STXBP2: variants seen among roughly 807,000 people sequenced by gnomAD.
STXBP2 encodes the protein syntaxin-binding protein 2.
In STXBP2, 47 loss-of-function variants were observed where a neutral mutation model predicts 72.2. The observed-to-expected ratio is 0.65, with a 90% confidence interval of 0.51 to 0.83. STXBP2 has a LOEUF of 0.83. STXBP2 is among the 40% of genes least tolerant of loss of function. STXBP2 has a pLI of 0.00. For synonymous variants in STXBP2, 367 were observed against 338.7 expected, an observed-to-expected ratio of 1.08 and a Z score of -0.92; for missense variants, 702 against 807.6, an observed-to-expected ratio of 0.87 and a Z score of 1.58.
Position 7,642,691 on chromosome 19 carries a change from C to G in STXBP2, c.903-75C>G. 12 of 1,505,356 alleles carry G rather than the reference C, an allele frequency of 8.0e-6. No individual in the cohort carries two copies. Among genetic ancestry groups the G allele is most frequent in the Non-Finnish European group, 1.1e-5 (12 of 1,086,626 alleles). 93.2% of individuals were successfully genotyped at this position (1,505,356 alleles called of 1,614,324 possible). A position where few individuals can be genotyped will look rare whatever the true frequency, so the allele number is the denominator to read the frequency against. ...CCAATTTCACCCCACCTCTCCCTGT[C>G]CCCCCTGAGTGGGCTCACCCATGGC... On this transcript the variant is annotated intron_variant, in intron 10 of 18. Transcript: ENST00000221283. This position sits in a 1 kb window ranked among gnomAD's most constrained non-coding sequence, Gnocchi z 6.0.
At chr19:7,632,009 G>C (rs556322129), upstream of STXBP2, 10 of 505,088 alleles carry the variant, frequency 2.0e-5, no homozygotes, top group South Asian at 4.8e-4. The surrounding 1 kb of genome is among the most constrained non-coding windows in gnomAD (Gnocchi z 5.2). Context: ...CTGGGATCTT[G>C]ATCAGAACCC....
intron 4 of STXBP2, 39 bp downstream of exon 4, chr19:7,639,846 G>A (rs778820612): frequency 5.0e-6 from 8 of 1,586,526 alleles, no homozygotes; most frequent in Admixed American, 1.7e-5. Flanking sequence ...GCGCGTGCAT[G>A]CGTGTACATG....
chr19:7,633,320 T>C (rs375643500), upstream of STXBP2: 339 of 1,328,466 alleles, frequency 2.6e-4, no homozygotes, highest in East Asian at 5.5e-3. Context: ...GACTCACTCG[T>C]TAATTAGGTG....
At chr19:7,641,999 C>T (rs368158666) in intron 7 of STXBP2, 35 bp from the exon 8 acceptor site, 108 of 1,613,072 alleles carry the variant, frequency 6.7e-5, no homozygotes, top group Non-Finnish European at 9.1e-5. Flanking sequence ...ACCCCATCCC[C>T]TGATGATGTC....
In STXBP2 at chr19:7,642,445, C is replaced by T. The variant is rs1478797550; in HGVS notation, c.811C>T (p.Leu271=). ...QDTYRYETTG[L]SEAREKAVLL... ...CCTCCCCAGGTATGAGACCACCGGGCTGAGCGAGGCGCGGGAGAAGGCCGT... is the reference window on the plus strand; with the variant it reads ...CCTCCCCAGGTATGAGACCACCGGGTTGAGCGAGGCGCGGGAGAAGGCCGT... Residue 271 remains leucine, a synonymous_variant, in exon 10 of 19, where the codon CTG becomes TTG. Transcript: ENST00000221283. The surrounding 1 kb of genome is among the most constrained non-coding windows in gnomAD (Gnocchi z 6.0). 1.2e-6 allele frequency: 2 copies of T among 1,613,900 alleles called. No homozygotes were observed. Among genetic ancestry groups the T allele is most frequent in the Non-Finnish European group, 1.7e-6 (2 of 1,180,038 alleles).
chr19:7,630,958 C>T, the STXBP2 span: 1 of 1,360,300 alleles, frequency 7.4e-7, no homozygotes, highest in Non-Finnish European at 1.0e-6. Context: ...GCTTGTAATC[C>T]CAGGGCATGG....
chr19:7,643,100 CTCTG>C (rs1434081548), intron 12 of STXBP2, 52 bp downstream of exon 12: 3 of 1,613,814 alleles, frequency 1.9e-6, no homozygotes, highest in Admixed American at 1.7e-5. Context: ...CAACCCCATG[CTCTG>C]TCTGCGTTCT....
intron 13 of STXBP2, 114 bp downstream of exon 13, chr19:7,643,359 G>A: frequency 3.4e-6 from 4 of 1,186,488 alleles, no homozygotes; most frequent in Non-Finnish European, 4.8e-6. Flanking sequence ...CTTGTGGAGA[G>A]GTGGAGGGGC....
chr19:7,644,745 T>TCG lies in STXBP2; in HGVS notation c.1240_1241dup (p.Asn415GlyfsTer4). ...GGGTCCTGCTGCTCTACATCCTCCTTCGGAATGGTGGGTGGGGGCTGCAGG... is the reference window on the plus strand; with the variant it reads ...GGGTCCTGCTGCTCTACATCCTCCTTCGCGGAATGGTGGGTGGGGGCTGCAGG... On this transcript the variant is annotated frameshift_variant, in exon 14 of 19. Coordinates refer to ENST00000221283, the MANE Select transcript of STXBP2 (RefSeq NM_006949.4). LOFTEE classifies it high-confidence loss of function. 1 of 1,613,460 alleles carries TCG rather than the reference T, an allele frequency of 6.2e-7. No homozygotes were observed. Among genetic ancestry groups the TCG allele is most frequent in the Non-Finnish European group, 8.5e-7 (1 of 1,179,748 alleles).
At chr19:7,634,672 T>A (rs186375239), upstream of STXBP2, among the ~76,000 whole-genome samples, 31 of 152,044 alleles carry the variant, frequency 2.0e-4, no homozygotes, top group African/African-American at 7.5e-4. Context: ...GCTGAGCCTT[T>A]AAAATTTTTT....
At chr19:7,634,235 C>G (rs997804735), upstream of STXBP2, among the ~76,000 whole-genome samples, 1 of 152,218 alleles carries the variant, frequency 6.6e-6, no homozygotes. Context: ...CCTTTTCCCC[C>G]GAGCCACTGT....
At chr19:7,632,933 C>T (rs952824040), upstream of STXBP2, 6 of 1,492,090 alleles carry the variant, frequency 4.0e-6, no homozygotes, top group African/African-American at 6.9e-5. This position sits in a 1 kb window ranked among gnomAD's most constrained non-coding sequence, Gnocchi z 5.2. Context: ...GCCTGCCGTC[C>T]CCACTTCCTC....
upstream of STXBP2, among the ~76,000 whole-genome samples, chr19:7,634,319 C>A (rs3745364): frequency 4.9e-4 from 74 of 152,164 alleles, no homozygotes; most frequent in South Asian, 9.1e-3. Context: ...CCCCAAGACG[C>A]CTTTACGGAA....
intron 6 of STXBP2, 54 bp from the exon 7 acceptor site, chr19:7,641,651 G>A (rs564575561): frequency 1.3e-6 from 2 of 1,549,046 alleles, no homozygotes; most frequent in South Asian, 2.4e-5. Flanking sequence ...GGGAAGCGGG[G>A]CAGGTGTGCA....
chr19:7,632,867 G>T, upstream of STXBP2: 1 of 1,537,296 alleles, frequency 6.5e-7, no homozygotes, highest in Non-Finnish European at 8.7e-7. The surrounding 1 kb of genome is among the most constrained non-coding windows in gnomAD (Gnocchi z 5.2). Context: ...TGGCCCTTCA[G>T]CTTGGGGGCC....
At chr19:7,630,337 T>G in the STXBP2 span, 1 of 570,024 alleles carries the variant, frequency 1.8e-6, no homozygotes, top group East Asian at 2.9e-5. Flanking sequence ...TGTCTGTCTG[T>G]GTTTGAGAGG....
At chr19:7,643,347 G>C in intron 13 of STXBP2, 102 bp downstream of exon 13, 2 of 1,301,384 alleles carry the variant, frequency 1.5e-6, no homozygotes, top group South Asian at 2.5e-5. Context: ...GGAGGGGCAG[G>C]GCTTGTGGAG....
upstream of STXBP2, chr19:7,632,957 G>A (rs551337173): frequency 1.6e-5 from 24 of 1,472,742 alleles, no homozygotes; most frequent in South Asian, 2.9e-4. The surrounding 1 kb of genome is among the most constrained non-coding windows in gnomAD (Gnocchi z 5.2). Flanking sequence ...TCTCACCATG[G>A]TCCCCGCCGA....
chr19:7,634,979 G>C (rs1295679091), upstream of STXBP2, among the ~76,000 whole-genome samples: 1 of 152,224 alleles, frequency 6.6e-6, no homozygotes, highest in African/African-American at 2.4e-5. Context: ...AAGGACACCA[G>C]TGATATTGCA....
Sources: gnomAD v4.1 joint callset for allele counts (sites outside exome capture counted in the v4.1 genomes callset) on GRCh38, gnomAD v4.1.1 for gene constraint, Gnocchi (gnomAD v3.1) non-coding constraint, MANE v1.5 for transcripts, NCBI Gene and HGNC (gene_info 2026-07-23, HGNC 2026-07-21) for gene names.